Variants in CLPTM1L observed in about 807,000 individuals in gnomAD.
The protein encoded by CLPTM1L is lipid scramblase CLPTM1L.
In CLPTM1L, 38 loss-of-function variants were observed where a neutral mutation model predicts 70.9. The observed-to-expected ratio is 0.54, with a 90% CI of 0.41 to 0.70. CLPTM1L has a LOEUF of 0.70. Among genes scored for constraint, CLPTM1L ranks in the 30% least tolerant of loss-of-function variants. The probability of loss-of-function intolerance (pLI) is 0.00; values close to 1 mark genes in which losing one functional copy is unlikely to be tolerated. For missense variants in CLPTM1L, 652 were observed against 705.9 expected (o/e 0.92, Z 0.87); for synonymous variants, 339 against 299.9 (o/e 1.13, Z -1.35).
chr5:1,340,361 T>TTAAACA (rs1753862666), intron 3 of CLPTM1L, among the ~76,000 whole-genome samples: 1 of 152,160 alleles, frequency 6.6e-6, no homozygotes, highest in South Asian at 2.1e-4. Flanking sequence ...TTACATGAAG[T>TTAAACA]TAAACAGGAC....
chr5:1,321,607 G>A (rs1236314992), intron 15 of CLPTM1L, 28 bp downstream of exon 15: 2 of 1,605,840 alleles, frequency 1.2e-6, no homozygotes, highest in Admixed American at 1.7e-5. Flanking sequence ...TCAGTGAGAA[G>A]GGATTCCTCA....
At chr5:1,339,085 G>C (rs1008934684) in intron 3 of CLPTM1L, 80 bp from the exon 4 acceptor site, 9 of 1,489,190 alleles carry the variant, frequency 6.0e-6, no homozygotes, top group African/African-American at 2.8e-5. Context: ...CCTAACCTGC[G>C]AACAGAACGG....
chr5:1,340,934 T>A (rs57749209), intron 3 of CLPTM1L, among the ~76,000 whole-genome samples: 5,036 of 152,190 alleles, frequency 0.033, 304 homozygotes, highest in African/African-American at 0.12. Context: ...TCCAGCTAAT[T>A]TTTGTATTTT....
chr5:1,334,986 G>C, intron 6 of CLPTM1L, 71 bp downstream of exon 6: 1 of 1,185,474 alleles, frequency 8.4e-7, no homozygotes. Context: ...GCCTGTGTCA[G>C]GATTCGCACT....
chr5:1,321,956 A>G, intron 13 of CLPTM1L, 137 bp from the exon 14 acceptor site: 2 of 760,082 alleles, frequency 2.6e-6, no homozygotes, highest in Non-Finnish European at 4.6e-6. Flanking sequence ...TCTGCTATCC[A>G]GACAACTTCA....
At chr5:1,333,025 GGATAAGGGGGGACTACTGTATACACACC>G (rs1753219964) in intron 7 of CLPTM1L, among the ~76,000 whole-genome samples, 1 of 123,720 alleles carries the variant, frequency 8.1e-6, no homozygotes, top group Non-Finnish European at 1.7e-5. Flanking sequence ...TAGACACACC[GGATAAGGGGGGACTACTGTATACACACC>G]GGATGAGGAT....
Position 1,338,898 on chromosome 5 carries a change from C to T in CLPTM1L, c.561G>A (p.Gly187=). The T allele has an allele frequency of 1.2e-6, 2 of 1,613,338 alleles. No individual in the cohort carries two copies. The highest frequency in any genetic ancestry group is 1.7e-6 in the Non-Finnish European group (2 of 1,180,052). The change falls in exon 4 of 17, where the codon GGG becomes GGA. Residue 187 remains glycine, a synonymous_variant. Transcript: ENST00000320895. The part of the protein sequence containing the change: ...NVMADNFVFD[G]SSLPADVHRY... ...GATGCACATCGGCAGGCAGGGAGGA[C>T]CCGTCAAAGACAAAGTTGTCCGCCA...
intron 3 of CLPTM1L, among the ~76,000 whole-genome samples, chr5:1,340,100 G>A (rs568702457): frequency 6.6e-6 from 1 of 152,324 alleles, no homozygotes; most frequent in East Asian, 1.9e-4. Context: ...TTATCTCCAC[G>A]GAAGCCAGGG....
intron 1 of CLPTM1L, 105 bp from the exon 2 acceptor site, chr5:1,344,556 AG>A (rs1754154847): frequency 8.3e-6 from 12 of 1,445,394 alleles, no homozygotes; most frequent in Non-Finnish European, 1.1e-5. Flanking sequence ...CTGGGGAACC[AG>A]GAAAGGTTCC....
Position 1,318,434 on chromosome 5 carries a change from G to T in CLPTM1L, c.1552C>A (p.Arg518Ser). 1 of 1,613,778 alleles carries T rather than the reference G, an allele frequency of 6.2e-7. No individual in the cohort carries two copies. Among genetic ancestry groups the T allele is most frequent in the Non-Finnish European group, 8.5e-7 (1 of 1,179,964 alleles). ...YQRWLYPVDK[R>S]RVNEFGESYE... is the part of the protein sequence containing the mutation. Reference sequence around the variant, plus strand: ...GACTCCCCAAACTCGTTCACTCTGCGTTTATCCACAGGATAAAGCCTGCAA... The same window carrying T: ...GACTCCCCAAACTCGTTCACTCTGCTTTTATCCACAGGATAAAGCCTGCAA... Residue 518 changes from arginine to serine, a missense_variant, in exon 17 of 17, where the codon CGC becomes AGC. Transcript: ENST00000320895. This position sits in a 1 kb window ranked among gnomAD's most constrained non-coding sequence, Gnocchi z 8.9.
intron 3 of CLPTM1L, among the ~76,000 whole-genome samples, chr5:1,340,385 G>T (rs1054774121): frequency 6.6e-6 from 1 of 152,238 alleles, no homozygotes; most frequent in Non-Finnish European, 1.5e-5. Context: ...GACTGACAGG[G>T]AAATCTTAGC....
chr5:1,325,544 G>A (rs1227995362), intron 10 of CLPTM1L: 9 of 576,952 alleles, frequency 1.6e-5, no homozygotes, highest in Non-Finnish European at 2.8e-5. Flanking sequence ...CTGCACTGAA[G>A]ACGGTCAGAA....
chr5:1,319,026 A>G (rs1389314228), intron 16 of CLPTM1L, among the ~76,000 whole-genome samples: 1 of 152,226 alleles, frequency 6.6e-6, no homozygotes, highest in Non-Finnish European at 1.5e-5. Context: ...GATCCTGGCC[A>G]AACACCGTTT....
rs995227241 is a variant in CLPTM1L, at chr5:1,344,204, C to A, written c.263+147G>T. Reference sequence around the variant, plus strand: ...GAATGTTTACAGGCCACGCATAGGCCTCCAGTTAGGATATTCTACCACTTC... The same window carrying A: ...GAATGTTTACAGGCCACGCATAGGCATCCAGTTAGGATATTCTACCACTTC... On this transcript the variant is annotated intron_variant, in intron 2 of 16. Transcript: ENST00000320895. 5 of 664,062 alleles carry A rather than the reference C, an allele frequency of 7.5e-6. No homozygotes were observed. In the Admixed American group the frequency reaches 1.1e-4, roughly 15 times the overall value. The allele number at this position is 664,062 out of a possible 1,614,324, so 41.1% of individuals were successfully genotyped here.
chr5:1,341,920 T>C, intron 2 of CLPTM1L, 60 bp from the exon 3 acceptor site: 1 of 1,331,422 alleles, frequency 7.5e-7, no homozygotes, highest in South Asian at 1.3e-5. Flanking sequence ...CTAGAACCTA[T>C]TCAAATACCT....
chr5:1,327,042 T>C (rs1254846703), intron 9 of CLPTM1L, among the ~76,000 whole-genome samples: 2 of 148,650 alleles, frequency 1.3e-5, no homozygotes, highest in Non-Finnish European at 3.0e-5. Flanking sequence ...CAGCTCCTCC[T>C]CTACAGGGAC....
chr5:1,334,259 C>G (rs1205246127), intron 7 of CLPTM1L, 30 bp downstream of exon 7: 1 of 1,582,684 alleles, frequency 6.3e-7, no homozygotes, highest in Admixed American at 1.7e-5. Context: ...CCCCAAGTGC[C>G]TGCGGCAAGC....
In CLPTM1L at chr5:1,318,933, A is replaced by G. The variant is rs1164545386; in HGVS notation, c.1533-480T>C. On this transcript the variant is annotated intron_variant, in intron 16 of 16. Coordinates refer to ENST00000320895, the MANE Select transcript of CLPTM1L (RefSeq NM_030782.5). This position sits in a 1 kb window ranked among gnomAD's most constrained non-coding sequence, Gnocchi z 8.9. ...TACGTATGGATGAGGAAGCTGTGGC[A>G]TAAGGGGCAGCTCTACACGGCCGCG... 2.6e-5 allele frequency among the ~76,000 whole-genome samples: 4 copies of G among 152,114 alleles called. No individual in the cohort carries two copies. The highest frequency in any genetic ancestry group is 6.5e-5 in the Admixed American group (1 of 15,268).
intron 5 of CLPTM1L, 145 bp downstream of exon 5, chr5:1,337,759 C>T (rs1023107620): frequency 1.8e-5 from 13 of 715,458 alleles, no homozygotes; most frequent in Non-Finnish European, 2.4e-5. Flanking sequence ...CTCGCACACT[C>T]GAAGGCAGTG....
Sources: allele counts gnomAD v4.1 joint callset (sites outside exome capture counted in the v4.1 genomes callset), GRCh38; gene constraint gnomAD v4.1.1; non-coding constraint Gnocchi (gnomAD v3.1); transcripts MANE v1.5; gene names NCBI Gene and HGNC (gene_info 2026-07-23, HGNC 2026-07-21).